Variants in PDE11A observed in about 807,000 individuals in gnomAD.
PDE11A encodes the protein dual 3',5'-cyclic-AMP and -GMP phosphodiesterase 11A.
In PDE11A, 100 loss-of-function variants were observed where a neutral mutation model predicts 100.5. The ratio of observed to expected loss-of-function variants is 1.00; its 90% CI spans 0.85 to 1.18. The LOEUF (loss-of-function observed/expected upper bound fraction) is 1.18. PDE11A is among the 50% of genes most tolerant of loss of function. PDE11A has a pLI of 0.00. For synonymous variants in PDE11A, 381 were observed against 420.8 expected (o/e 0.91, Z 1.16); for missense variants, 1,141 against 1,152.6 (o/e 0.99, Z 0.15).
intron 9 of PDE11A, among the ~76,000 whole-genome samples, chr2:177,798,929 A>G (rs1360472454): frequency 9.2e-5 from 14 of 152,178 alleles, no homozygotes; most frequent in Non-Finnish European, 5.9e-5. Flanking sequence ...GTAACTGTAC[A>G]TTGGGGAAAC....
chr2:177,658,604 C>T (rs773692417), intron 19 of PDE11A, among the ~76,000 whole-genome samples: 67 of 151,972 alleles, frequency 4.4e-4, no homozygotes, highest in Non-Finnish European at 7.4e-4. Flanking sequence ...CATATATATA[C>T]CCCCTTTGTA....
intron 19 of PDE11A, among the ~76,000 whole-genome samples, chr2:177,644,764 A>G (rs2080197215): frequency 1.3e-5 from 2 of 152,318 alleles, no homozygotes; most frequent in South Asian, 2.1e-4. Context: ...CAACTCCCAC[A>G]TGTCGTAGGA....
intron 2 of PDE11A, among the ~76,000 whole-genome samples, chr2:177,906,125 C>T (rs896306170): frequency 6.6e-6 from 1 of 152,124 alleles, no homozygotes; most frequent in African/African-American, 2.4e-5. Flanking sequence ...GGGAAAAAAG[C>T]ATGTTTATAT....
At chr2:177,989,303 T>C (rs1202612791) in intron 2 of PDE11A, among the ~76,000 whole-genome samples, 1 of 152,210 alleles carries the variant, frequency 6.6e-6, no homozygotes, top group Admixed American at 6.5e-5. Context: ...TGGATGTGGT[T>C]ATGATGAAAA....
Position 177,675,707 on chromosome 2 carries a change from T to G in PDE11A, c.2424-189A>C, listed in dbSNP as rs3770017. On this transcript the variant is annotated intron_variant, in intron 16 of 19. Transcript: ENST00000286063. ...CATCTCCATCATGTGGCCACGCTGCTTAGGAAGACAAAGCTCTCACACATC... is the reference window on the plus strand; with the variant it reads ...CATCTCCATCATGTGGCCACGCTGCGTAGGAAGACAAAGCTCTCACACATC... The G allele has an allele frequency of 7.2e-4, 502 of 697,592 alleles. 6 individuals carry two copies. In the East Asian group the frequency reaches 0.014, roughly 19 times the overall value. The allele number at this position is 697,592 out of a possible 1,614,324, so 43.2% of individuals were successfully genotyped here.
chr2:177,638,387 C>A (rs1206884687), intron 19 of PDE11A, among the ~76,000 whole-genome samples: 1 of 152,062 alleles, frequency 6.6e-6, no homozygotes, highest in Non-Finnish European at 1.5e-5. Context: ...ACCCCTTAAT[C>A]ATGCTCAATC....
chr2:177,961,950 G>T (rs1441003021), intron 2 of PDE11A, among the ~76,000 whole-genome samples: 1 of 150,752 alleles, frequency 6.6e-6, no homozygotes, highest in Non-Finnish European at 1.5e-5. Context: ...TCAGCTACTC[G>T]GGAGGCTGAG....
intron 13 of PDE11A, among the ~76,000 whole-genome samples, chr2:177,711,464 A>G (rs1025282087): frequency 2.0e-5 from 3 of 152,252 alleles, no homozygotes; most frequent in Non-Finnish European, 4.4e-5. Context: ...CAAGAAGCTT[A>G]TAACGCCATA....
At chr2:177,968,028 C>A (rs1195663349) in intron 2 of PDE11A, among the ~76,000 whole-genome samples, 1 of 152,310 alleles carries the variant, frequency 6.6e-6, no homozygotes, top group Middle Eastern at 3.4e-3. Flanking sequence ...GTAATTCAAG[C>A]CACATTGATT....
At chr2:177,876,088 CCT>C (rs1259436620) in intron 4 of PDE11A, among the ~76,000 whole-genome samples, 165 bp from the exon 5 acceptor site, 7 of 152,152 alleles carry the variant, frequency 4.6e-5, no homozygotes, top group Admixed American at 1.3e-4. Context: ...AGAATCCCAT[CCT>C]ACATCTTGTA....
At chr2:178,032,697 G>A (rs999722695) in intron 1 of PDE11A, among the ~76,000 whole-genome samples, 14 of 152,162 alleles carry the variant, frequency 9.2e-5, no homozygotes, top group African/African-American at 2.7e-4. Flanking sequence ...GCTTCCAGAG[G>A]AAGGAGCAGG....
intron 13 of PDE11A, among the ~76,000 whole-genome samples, chr2:177,705,210 T>C (rs2105415474): frequency 7.8e-6 from 1 of 128,874 alleles, no homozygotes; most frequent in Non-Finnish European, 1.6e-5. Context: ...GGTATGCTTC[T>C]ACTTTCTCAC....
At chr2:177,895,476 C>T (rs1050305623) in intron 4 of PDE11A, among the ~76,000 whole-genome samples, 1 of 151,734 alleles carries the variant, frequency 6.6e-6, no homozygotes, top group African/African-American at 2.4e-5. Flanking sequence ...ATTGCTTGAA[C>T]CCAGGAGGTG....
chr2:177,936,435 C>A (rs1396377526), intron 2 of PDE11A, among the ~76,000 whole-genome samples: 1 of 152,094 alleles, frequency 6.6e-6, no homozygotes, highest in East Asian at 1.9e-4. Flanking sequence ...AGAAAGCCAC[C>A]CCTGTGCTCT....
At chr2:177,680,434 A>T (rs2080845924) in intron 16 of PDE11A, among the ~76,000 whole-genome samples, 1 of 152,122 alleles carries the variant, frequency 6.6e-6, no homozygotes, top group Non-Finnish European at 1.5e-5. Context: ...TCTATCCGCA[A>T]TGCCTATTGT....
intron 19 of PDE11A, among the ~76,000 whole-genome samples, chr2:177,645,385 C>T (rs895399978): frequency 5.3e-5 from 8 of 151,978 alleles, no homozygotes; most frequent in Non-Finnish European, 1.0e-4. Context: ...TTAGTAGAGA[C>T]GGGGTTTCAC....
Position 177,769,317 on chromosome 2 carries a change from C to T in PDE11A, c.1788+6G>A, listed in dbSNP as rs1272660512. ...GCACTAATAAGGAAACCATTTTCTT[C>T]CTTACCTTAAACTTGTCAACTTCAG... is the stretch of plus-strand genomic sequence containing the variant. On this transcript the variant is annotated splice_donor_region_variant and intron_variant, in intron 10 of 19. Coordinates refer to ENST00000286063, the MANE Select transcript of PDE11A (RefSeq NM_016953.4). 4 of 1,567,672 alleles carry T rather than the reference C, an allele frequency of 2.6e-6. No individual in the cohort carries two copies. Among genetic ancestry groups the T allele is most frequent in the Non-Finnish European group, 3.5e-6 (4 of 1,137,758 alleles).
At chr2:177,969,442 A>C (rs978929136) in intron 2 of PDE11A, among the ~76,000 whole-genome samples, 4 of 152,172 alleles carry the variant, frequency 2.6e-5, no homozygotes, top group Non-Finnish European at 2.9e-5. Context: ...ATAATAAAAA[A>C]AAACTCTCCA....
chr2:177,996,189 T>TGGAGTGCAGTA (rs2086072173), intron 2 of PDE11A, among the ~76,000 whole-genome samples: 2 of 150,960 alleles, frequency 1.3e-5, no homozygotes, highest in Non-Finnish European at 2.9e-5. Context: ...ATCTCGCTAC[T>TGGAGTGCAGTA]GCACTCCAGT....
Sources: gnomAD v4.1 joint callset for allele counts (sites outside exome capture counted in the v4.1 genomes callset) on GRCh38, gnomAD v4.1.1 for gene constraint, MANE v1.5 for transcripts, NCBI Gene and HGNC (gene_info 2026-07-23, HGNC 2026-07-21) for gene names.